MYCBP2: variants seen among roughly 807,000 people sequenced by gnomAD.
MYCBP2 encodes MYC binding protein 2.
In MYCBP2, 120 loss-of-function variants were observed where a neutral mutation model predicts 525.3. The ratio of observed to expected loss-of-function variants is 0.23; its 90% CI spans 0.20 to 0.27. The LOEUF is 0.27. Among genes scored for constraint, MYCBP2 ranks in the 10% least tolerant of loss-of-function variants. The pLI is 1.00. For missense variants in MYCBP2, 4,149 were observed against 5,657.1 expected (o/e 0.73, Z 8.55); for synonymous variants, 1,894 against 1,955.8 (o/e 0.97, Z 0.83).
intron 69 of MYCBP2, among the ~76,000 whole-genome samples, chr13:77,069,417 T>C (rs1161959975): frequency 6.6e-6 from 1 of 151,944 alleles, no homozygotes; most frequent in Non-Finnish European, 1.5e-5. Flanking sequence ...GATCAGGAGA[T>C]CGAGACCATC....
In MYCBP2 at chr13:77,165,300, T is replaced by C. The variant is rs1481370715; in HGVS notation, c.6432A>G (p.Gly2144=). The part of the protein sequence containing the change: ...SFYGFKCFAI[G]YEFSPGPDEG... Reference sequence around the variant, plus strand: ...CATCAGGTCCAGGGCTAAATTCATATCCAATTGCAAAACACTTAAAACCAT... The same window carrying C: ...CATCAGGTCCAGGGCTAAATTCATACCCAATTGCAAAACACTTAAAACCAT... Residue 2144 remains glycine, a synonymous_variant, in exon 42 of 83, where the codon GGA becomes GGG. Coordinates refer to ENST00000544440, the MANE Select transcript of MYCBP2 (RefSeq NM_015057.5). 23 of 1,611,114 alleles carry C rather than the reference T, an allele frequency of 1.4e-5. No individual in the cohort carries two copies. The highest frequency in any genetic ancestry group is 1.8e-5 in the Non-Finnish European group (21 of 1,178,646).
chr13:77,150,438 G>A (rs1440519541), intron 47 of MYCBP2, among the ~76,000 whole-genome samples: 2 of 152,054 alleles, frequency 1.3e-5, no homozygotes, highest in Non-Finnish European at 2.9e-5. Flanking sequence ...CACTGTTCCT[G>A]GTCAGAAGTA....
chr13:77,140,408 T>C (rs2054428022), intron 50 of MYCBP2, among the ~76,000 whole-genome samples: 1 of 152,258 alleles, frequency 6.6e-6, no homozygotes, highest in Non-Finnish European at 1.5e-5. Context: ...AACTCATTTC[T>C]AAATACTGAA....
At chr13:77,228,065 A>C (rs918968204) in intron 18 of MYCBP2, among the ~76,000 whole-genome samples, 1 of 151,942 alleles carries the variant, frequency 6.6e-6, no homozygotes, top group Non-Finnish European at 1.5e-5. Context: ...TTATATATAT[A>C]TCTGTATATG....
intron 55 of MYCBP2, among the ~76,000 whole-genome samples, chr13:77,116,352 C>T (rs1176937772): frequency 6.6e-6 from 1 of 151,906 alleles, no homozygotes; most frequent in Non-Finnish European, 1.5e-5. Flanking sequence ...TAGTGGGATA[C>T]ATGGTAGTGA....
Position 77,140,149 on chromosome 13 carries a change from C to T in MYCBP2, c.7416G>A (p.Val2472=), listed in dbSNP as rs764020585. 1.3e-6 allele frequency: 2 copies of T among 1,599,090 alleles called. No homozygotes were observed. The highest frequency in any genetic ancestry group is 1.7e-6 in the Non-Finnish European group (2 of 1,175,548). The change falls in exon 51 of 83, where the codon GTG becomes GTA. Residue 2472 remains valine, a synonymous_variant. Coordinates refer to ENST00000544440, the MANE Select transcript of MYCBP2 (RefSeq NM_015057.5). ...EPQPNKVRKF[V]AKDSAGLRIR... ...TGCGAAGCCCCGCACTGTCCTTGGC[C>T]ACAAATTTTCGAACCTGAGAAAGGC...
intron 52 of MYCBP2, among the ~76,000 whole-genome samples, chr13:77,133,483 G>A (rs1268083707): frequency 1.3e-5 from 2 of 152,132 alleles, no homozygotes; most frequent in Non-Finnish European, 2.9e-5. Context: ...TGAGTGAGAA[G>A]GGATCCTGAA....
At position 77,181,712 on chromosome 13, in the gene MYCBP2, T is replaced by C. The variant is rs988288760; in HGVS notation, c.4930A>G (p.Lys1644Glu). Reference protein sequence around the residue: ...RFPLLVAHMEKLSQSEENISG... With the variant: ...RFPLLVAHMEELSQSEENISG... ...AGAGACAGACCTACCTGGCTGAGTT[T>C]TTCCATATGTGCCACCAAAAGGGGA... The change falls in exon 33 of 83, where the codon AAA (lysine) becomes GAA (glutamate). Residue 1644 changes from lysine (K) to glutamate (E), a missense_variant. Coordinates refer to ENST00000544440, the MANE Select transcript of MYCBP2 (RefSeq NM_015057.5). 8 of 1,613,652 alleles carry C rather than the reference T, an allele frequency of 5.0e-6. No homozygotes were observed. In the African/African-American group the frequency reaches 6.7e-5, roughly 13 times the overall value.
At chr13:77,143,262 C>T (rs1005283321) in intron 49 of MYCBP2, among the ~76,000 whole-genome samples, 3 of 152,172 alleles carry the variant, frequency 2.0e-5, no homozygotes, top group Non-Finnish European at 2.9e-5. Context: ...ACAAGACTGG[C>T]GTGTGAGTGT....
At position 77,185,309 on chromosome 13, in the gene MYCBP2, A is replaced by G. The variant is rs994551351; in HGVS notation, c.4513T>C (p.Leu1505=). The G allele has an allele frequency of 6.2e-7, 1 of 1,614,022 alleles. No individual in the cohort carries two copies. The highest frequency in any genetic ancestry group is 8.5e-7 in the Non-Finnish European group (1 of 1,180,002). ...ACTCCTTCTGATAAAATTTTTCTTA[A>G]CAAAGTTCTGGTTTTTCCAATACAC... The part of the protein sequence containing the change: ...AECIGKTRTL[L]RKILSEGVDH... Residue 1505 remains leucine, a synonymous_variant, in exon 32 of 83, where the codon TTA becomes CTA. Coordinates refer to ENST00000544440, the MANE Select transcript of MYCBP2 (RefSeq NM_015057.5).
intron 1 of MYCBP2, among the ~76,000 whole-genome samples, chr13:77,303,428 C>G (rs2079030308): frequency 6.6e-6 from 1 of 152,140 alleles, no homozygotes; most frequent in African/African-American, 2.4e-5. Flanking sequence ...ATATTCTTTT[C>G]AAGTGCATAT....
Position 77,055,538 on chromosome 13 carries a change from C to A in MYCBP2, c.13647+20G>T. ...GTAAGCTCTAGTTTTTAAAACTTCTCAGTATAATTTATAGCATACCTTTCT... is the reference window on the plus strand; with the variant it reads ...GTAAGCTCTAGTTTTTAAAACTTCTAAGTATAATTTATAGCATACCTTTCT... On this transcript the variant is annotated intron_variant, in intron 80 of 82. Coordinates refer to ENST00000544440, the MANE Select transcript of MYCBP2 (RefSeq NM_015057.5). 1 of 1,598,066 alleles carries A rather than the reference C, an allele frequency of 6.3e-7. No homozygotes were observed.
intron 1 of MYCBP2, among the ~76,000 whole-genome samples, chr13:77,303,771 G>GA (rs71203044): frequency 0.6 from 88,955 of 147,768 alleles, 28,591 homozygotes; most frequent in Non-Finnish European, 0.73. Context: ...TGCATATACT[G>GA]AAAAAAAAAA....
chr13:77,254,442 T>A lies in MYCBP2; in HGVS notation c.2177-3087A>T, dbSNP rs142670993. On this transcript the variant is annotated intron_variant, in intron 14 of 82. Transcript: ENST00000544440. ...CACAATTTTTTAATATTTCAATATG[T>A]TCTGTACTTTCCTGGTTTAAATAAA... Among the ~76,000 whole-genome samples, 255 of 151,970 alleles carry A rather than the reference T, an allele frequency of 1.7e-3. 1 individual carries two copies. The highest frequency in any genetic ancestry group is 5.6e-3 in the African/African-American group (232 of 41,518).
chr13:77,173,667 C>T (rs2059350521), intron 37 of MYCBP2, among the ~76,000 whole-genome samples: 1 of 152,178 alleles, frequency 6.6e-6, no homozygotes, highest in Non-Finnish European at 1.5e-5. Flanking sequence ...AGGCTGAGGA[C>T]AAATGTGGTA....
intron 17 of MYCBP2, among the ~76,000 whole-genome samples, chr13:77,238,581 G>C (rs2068326421): frequency 6.6e-6 from 1 of 151,920 alleles, no homozygotes; most frequent in Admixed American, 6.6e-5. Flanking sequence ...AAAAAGACAA[G>C]TTATCACAAA....
At chr13:77,153,738 T>G (rs1270105708) in intron 46 of MYCBP2, among the ~76,000 whole-genome samples, 1 of 89,408 alleles carries the variant, frequency 1.1e-5, no homozygotes, top group Non-Finnish European at 2.2e-5. Flanking sequence ...TAAATAAGAT[T>G]TCCTTAAAAT....
chr13:77,059,463 AAGTAAAG>A, intron 77 of MYCBP2, 53 bp downstream of exon 77: 2 of 1,240,876 alleles, frequency 1.6e-6, no homozygotes, highest in Non-Finnish European at 2.4e-6. Flanking sequence ...TTTCTGTATG[AAGTAAAG>A]GTGTCACAGG....
chr13:77,217,316 A>G (rs1024283240), intron 21 of MYCBP2, among the ~76,000 whole-genome samples: 1 of 152,176 alleles, frequency 6.6e-6, no homozygotes, highest in Non-Finnish European at 1.5e-5. Flanking sequence ...AAATTCTTAG[A>G]GCATTTTCAC....
Sources: gnomAD v4.1 joint callset for allele counts (sites outside exome capture counted in the v4.1 genomes callset) on GRCh38, gnomAD v4.1.1 for gene constraint, MANE v1.5 for transcripts, NCBI Gene and HGNC (gene_info 2026-07-23, HGNC 2026-07-21) for gene names.